Variants in ZDHHC14 observed in about 807,000 individuals in gnomAD.
ZDHHC14 encodes the protein palmitoyltransferase ZDHHC14.
Under a neutral mutation model 47.7 loss-of-function variants are expected in ZDHHC14, and 16 were observed. That is an observed-to-expected ratio of 0.34 (90% confidence interval 0.23 to 0.51). The LOEUF is 0.51. Among genes scored for constraint, ZDHHC14 ranks in the 20% least tolerant of loss-of-function variants. The pLI is 0.97. For missense variants in ZDHHC14, 515 were observed against 662.5 expected (o/e 0.78, Z 2.44); for synonymous variants, 293 against 278.9 (o/e 1.05, Z -0.50).
chr6:157,391,648 T>C (rs1049848775), intron 1 of ZDHHC14, among the ~76,000 whole-genome samples: 17 of 152,174 alleles, frequency 1.1e-4, no homozygotes, highest in Non-Finnish European at 1.8e-4. Context: ...CTCACTCCTG[T>C]TTATGGTGGA....
At chr6:157,469,844 G>A (rs1446018219) in intron 1 of ZDHHC14, among the ~76,000 whole-genome samples, 1 of 152,194 alleles carries the variant, frequency 6.6e-6, no homozygotes, top group African/African-American at 2.4e-5. Flanking sequence ...TTGGCAAACT[G>A]CTCTCATGTC....
chr6:157,441,464 T>C (rs1470142406), intron 1 of ZDHHC14, among the ~76,000 whole-genome samples: 1 of 152,192 alleles, frequency 6.6e-6, no homozygotes, highest in African/African-American at 2.4e-5. Flanking sequence ...AAAGGAAATT[T>C]CCTATGTTAA....
intron 1 of ZDHHC14, among the ~76,000 whole-genome samples, chr6:157,532,835 G>A (rs183657931): frequency 5.1e-4 from 78 of 152,322 alleles, no homozygotes; most frequent in African/African-American, 1.8e-3. Context: ...ATACATTATC[G>A]TCAAGCATCT....
chr6:157,535,609 C>T (rs750008175), intron 1 of ZDHHC14, among the ~76,000 whole-genome samples: 1 of 152,094 alleles, frequency 6.6e-6, no homozygotes, highest in Non-Finnish European at 1.5e-5. Flanking sequence ...GATTTAAATT[C>T]CCTCCCTTCA....
At position 157,445,722 on chromosome 6, in the gene ZDHHC14, A is replaced by G. The variant is rs890711937; in HGVS notation, c.245+63456A>G. ...AATGGTTTTTTAAACTACTATATTT[A>G]GACGCAGAAAAAAAATAACTGAGGC... On this transcript the variant is annotated intron_variant, in intron 1 of 8. Transcript: ENST00000359775. Among the ~76,000 whole-genome samples the G allele has an allele frequency of 3.9e-5, 6 of 152,210 alleles. 1 individual carries two copies. Among genetic ancestry groups the G allele is most frequent in the African/African-American group, 1.4e-4 (6 of 41,444 alleles).
At chr6:157,641,672 G>A (rs1320846758) in intron 5 of ZDHHC14, among the ~76,000 whole-genome samples, 4 of 151,970 alleles carry the variant, frequency 2.6e-5, no homozygotes, top group African/African-American at 4.8e-5. Context: ...TTTTTTACAC[G>A]GAAGTGTTTA....
At chr6:157,515,457 C>CTTTTTTTTTTT (rs1187323622) in intron 1 of ZDHHC14, among the ~76,000 whole-genome samples, 12 of 129,444 alleles carry the variant, frequency 9.3e-5, no homozygotes, top group East Asian at 2.3e-4. Context: ...TTTTCTTTTT[C>CTTTTTTTTTTT]TTTTTTTTTT....
At chr6:157,382,303 C>T (rs1249418749) in intron 1 of ZDHHC14, 37 bp downstream of exon 1, 4 of 1,606,334 alleles carry the variant, frequency 2.5e-6, no homozygotes, top group Middle Eastern at 1.7e-4. Context: ...CGCCGCACTC[C>T]CCTGGTCTCC....
intron 1 of ZDHHC14, among the ~76,000 whole-genome samples, chr6:157,383,215 C>T (rs2114727047): frequency 6.6e-6 from 1 of 152,300 alleles, no homozygotes; most frequent in Middle Eastern, 3.4e-3. Context: ...TTGCATCCAA[C>T]ATTTGGAATG....
chr6:157,611,310 C>T (rs1784741935), intron 3 of ZDHHC14, among the ~76,000 whole-genome samples: 1 of 151,980 alleles, frequency 6.6e-6, no homozygotes. Flanking sequence ...AATATGTGTA[C>T]TTTTAAAAAG....
chr6:157,660,477 A>G (rs924535365), intron 8 of ZDHHC14, among the ~76,000 whole-genome samples: 1 of 152,174 alleles, frequency 6.6e-6, no homozygotes, highest in Admixed American at 6.5e-5. Context: ...ACAGGCATGA[A>G]CCACTGCGCC....
At chr6:157,610,885 A>G (rs1784726524) in intron 3 of ZDHHC14, among the ~76,000 whole-genome samples, 1 of 152,258 alleles carries the variant, frequency 6.6e-6, no homozygotes, top group Non-Finnish European at 1.5e-5. Flanking sequence ...TTATAAGTGT[A>G]GAATGAGAAA....
chr6:157,493,480 G>A (rs1779979466), intron 1 of ZDHHC14, among the ~76,000 whole-genome samples: 2 of 152,212 alleles, frequency 1.3e-5, no homozygotes, highest in Admixed American at 6.5e-5. Flanking sequence ...GCAGCAGAGT[G>A]TTTGCAAATC....
At chr6:157,653,778 G>A in intron 8 of ZDHHC14, 151 bp downstream of exon 8, 2 of 683,816 alleles carry the variant, frequency 2.9e-6, no homozygotes, top group Non-Finnish European at 4.9e-6. Flanking sequence ...CAGACAGGAG[G>A]CAAGGCGTTA....
intron 1 of ZDHHC14, among the ~76,000 whole-genome samples, chr6:157,462,911 A>T (rs1381770077): frequency 1.3e-5 from 2 of 152,248 alleles, no homozygotes; most frequent in Admixed American, 1.3e-4. Flanking sequence ...GTGGTGGTTA[A>T]TGCTGTTTAA....
At position 157,502,978 on chromosome 6, in the gene ZDHHC14, A is replaced by G. The variant is rs1201354556; in HGVS notation, c.246-39607A>G. Among the ~76,000 whole-genome samples the G allele has an allele frequency of 6.6e-6, 1 of 152,238 alleles. No individual in the cohort carries two copies. The highest frequency in any genetic ancestry group is 1.5e-5 in the Non-Finnish European group (1 of 68,050). Reference sequence around the variant, plus strand: ...AGTATTGGAATTACAGGCATGAGCCACCGCACCCGGCTGTGTTTGTTTTTA... The same window carrying G: ...AGTATTGGAATTACAGGCATGAGCCGCCGCACCCGGCTGTGTTTGTTTTTA... On this transcript the variant is annotated intron_variant, in intron 1 of 8. Transcript: ENST00000359775. The surrounding 1 kb of genome is among the most constrained non-coding windows in gnomAD (Gnocchi z 4.0).
intron 7 of ZDHHC14, among the ~76,000 whole-genome samples, chr6:157,650,471 C>T (rs554156107): frequency 1.3e-5 from 2 of 152,120 alleles, no homozygotes; most frequent in South Asian, 2.1e-4. Flanking sequence ...TCCAGAGCTT[C>T]GCAGCACTGG....
intron 1 of ZDHHC14, among the ~76,000 whole-genome samples, chr6:157,435,670 G>A (rs1391715395): frequency 1.3e-5 from 2 of 152,050 alleles, no homozygotes; most frequent in Non-Finnish European, 2.9e-5. Flanking sequence ...TTCCCAAGTA[G>A]CTGAGTCTAC....
intron 7 of ZDHHC14, 34 bp downstream of exon 7, chr6:157,647,402 A>T: frequency 6.5e-7 from 1 of 1,547,238 alleles, no homozygotes; most frequent in Non-Finnish European, 8.8e-7. Flanking sequence ...TCTTCAACAG[A>T]CCTTGGAAAA....
Sources: allele counts gnomAD v4.1 joint callset (sites outside exome capture counted in the v4.1 genomes callset), GRCh38; gene constraint gnomAD v4.1.1; non-coding constraint Gnocchi (gnomAD v3.1); transcripts MANE v1.5; gene names NCBI Gene and HGNC (gene_info 2026-07-23, HGNC 2026-07-21).